TMEM260: variants seen among roughly 807,000 people sequenced by gnomAD.
TMEM260 encodes the protein transmembrane protein 260, also known as protein O-mannosyl-transferase TMEM260.
A neutral mutation model predicts 88.9 loss-of-function variants in TMEM260; 82 were observed. The observed-to-expected ratio is 0.92, with a 90% CI of 0.77 to 1.11. The LOEUF (loss-of-function observed/expected upper bound fraction) is 1.11, where lower values mean the gene tolerates loss of function less well. TMEM260 is among the 50% of genes least tolerant of loss of function. The pLI, the probability that TMEM260 is intolerant of heterozygous loss-of-function variation, is 0.00. For synonymous variants in TMEM260, 314 were observed against 309.3 expected (o/e 1.02, Z -0.16); for missense variants, 902 against 853.4 (o/e 1.06, Z -0.71).
Position 56,647,305 on chromosome 14 carries a change from C to T in TMEM260, c.1932C>T (p.Ala644=). ...EHPVNWHKNY[A]IACERMLRLQ... ...CAGTGAATTGGCACAAGAACTATGCCATCGCCTGTGAGCGGATGCTGCGTC... is the reference window on the plus strand; with the variant it reads ...CAGTGAATTGGCACAAGAACTATGCTATCGCCTGTGAGCGGATGCTGCGTC... The change falls in exon 16 of 16, where the codon GCC becomes GCT. Residue 644 remains alanine (A), a synonymous_variant. Transcript: ENST00000261556. The T allele has an allele frequency of 6.2e-7, 1 of 1,614,146 alleles. No homozygotes were observed. Among genetic ancestry groups the T allele is most frequent in the Non-Finnish European group, 8.5e-7 (1 of 1,180,026 alleles).
chr14:56,618,460 A>G (rs1231646921), intron 9 of TMEM260, 134 bp from the exon 10 acceptor site: 8 of 778,912 alleles, frequency 1.0e-5, no homozygotes, highest in Non-Finnish European at 1.7e-5. Context: ...GATTGGGGAA[A>G]TCAGTTAACA....
chr14:56,658,973 G>A, the TMEM260 span, among the ~76,000 whole-genome samples: 3 of 151,546 alleles, frequency 2.0e-5, no homozygotes, highest in East Asian at 3.9e-4. Context: ...CAGTTGATCC[G>A]CCCACCTCAG....
At chr14:56,617,435 G>A in intron 9 of TMEM260, 138 bp downstream of exon 9, 2 of 580,422 alleles carry the variant, frequency 3.4e-6, no homozygotes, top group Admixed American at 3.5e-5. Flanking sequence ...AATCAAAGTT[G>A]AATTATTGAG....
At chr14:56,641,634 CATA>C (rs1390728954) in intron 15 of TMEM260, among the ~76,000 whole-genome samples, 1 of 152,216 alleles carries the variant, frequency 6.6e-6, no homozygotes, top group East Asian at 1.9e-4. Flanking sequence ...CAGCTAATAT[CATA>C]ATGACAGGAT....
At chr14:56,607,385 C>T (rs1488959516) in intron 5 of TMEM260, among the ~76,000 whole-genome samples, 1 of 152,128 alleles carries the variant, frequency 6.6e-6, no homozygotes, top group Non-Finnish European at 1.5e-5. Flanking sequence ...GGCCTGTTTT[C>T]CCTGTACTGA....
At chr14:56,635,004 A>G in intron 14 of TMEM260, 52 bp downstream of exon 14, 2 of 1,519,204 alleles carry the variant, frequency 1.3e-6, no homozygotes, top group Non-Finnish European at 1.8e-6. Flanking sequence ...ATGGCAGGGA[A>G]GTAGCTTATG....
downstream of TMEM260, among the ~76,000 whole-genome samples, chr14:56,652,995 T>C (rs1890232227): frequency 1.3e-5 from 2 of 152,044 alleles, no homozygotes; most frequent in African/African-American, 4.8e-5. Flanking sequence ...TGAAATAGAA[T>C]TAAAAACACC....
chr14:56,638,429 T>G (rs1889293186), intron 15 of TMEM260: 1 of 152,218 alleles, frequency 6.6e-6, no homozygotes, highest in South Asian at 2.1e-4. Flanking sequence ...AGTATTTAGT[T>G]GGGAGAAAAC....
At chr14:56,641,800 A>C (rs1038913787) in intron 15 of TMEM260, among the ~76,000 whole-genome samples, 3 of 152,360 alleles carry the variant, frequency 2.0e-5, no homozygotes, top group East Asian at 1.9e-4. Context: ...ACATAGGCTC[A>C]AAATAAAGGG....
At chr14:56,628,123 A>G (rs146302144) in intron 12 of TMEM260, among the ~76,000 whole-genome samples, 2 of 152,236 alleles carry the variant, frequency 1.3e-5, no homozygotes, top group African/African-American at 4.8e-5. Flanking sequence ...CATTGTATGG[A>G]TGTACTGTAG....
the TMEM260 span, among the ~76,000 whole-genome samples, chr14:56,659,961 T>C: frequency 2.0e-5 from 3 of 152,024 alleles, no homozygotes; most frequent in Non-Finnish European, 4.4e-5. Context: ...ATCTATGTAC[T>C]TAAAAAAAAA....
At chr14:56,600,442 A>G (rs1356022794) in intron 3 of TMEM260, among the ~76,000 whole-genome samples, 1 of 152,196 alleles carries the variant, frequency 6.6e-6, no homozygotes, top group Non-Finnish European at 1.5e-5. Flanking sequence ...GAAAAGAAAC[A>G]TAGTAAAATG....
chr14:56,626,820 T>A (rs573728032), intron 12 of TMEM260, among the ~76,000 whole-genome samples: 1 of 152,308 alleles, frequency 6.6e-6, no homozygotes, highest in Admixed American at 6.5e-5. Context: ...CGGAAAAGTG[T>A]GAAGACGATC....
intron 15 of TMEM260, among the ~76,000 whole-genome samples, chr14:56,639,101 G>A (rs776160299): frequency 6.6e-6 from 1 of 152,122 alleles, no homozygotes; most frequent in Non-Finnish European, 1.5e-5. Flanking sequence ...GAGCAGTTGG[G>A]GAAATGCTCC....
At chr14:56,628,561 C>T (rs900345233) in intron 12 of TMEM260, among the ~76,000 whole-genome samples, 1 of 151,980 alleles carries the variant, frequency 6.6e-6, no homozygotes, top group Non-Finnish European at 1.5e-5. Context: ...TGTCCTTATA[C>T]TCTTTGCTAC....
At chr14:56,656,953 G>A in the TMEM260 span, among the ~76,000 whole-genome samples, 17 of 152,168 alleles carry the variant, frequency 1.1e-4, no homozygotes, top group East Asian at 1.4e-3. Flanking sequence ...TACCATGACC[G>A]TCCTTCCCTC....
the TMEM260 span, among the ~76,000 whole-genome samples, chr14:56,656,567 A>C: frequency 1.3e-5 from 2 of 152,196 alleles, no homozygotes; most frequent in Non-Finnish European, 2.9e-5. Context: ...ATATAGACCA[A>C]CTGCAAGTCA....
At chr14:56,650,657 C>T (rs1043971265), downstream of TMEM260, 1 of 152,070 alleles carries the variant, frequency 6.6e-6, no homozygotes, top group Non-Finnish European at 1.5e-5. Context: ...TAATGTTTAG[C>T]CTTTATGATA....
intron 6 of TMEM260, among the ~76,000 whole-genome samples, chr14:56,611,215 C>T (rs1398641349): frequency 6.6e-6 from 1 of 152,092 alleles, no homozygotes; most frequent in African/African-American, 2.4e-5. Flanking sequence ...ATCCGCCCAC[C>T]TCGGCCTCCC....
Sources: allele counts gnomAD v4.1 joint callset (sites outside exome capture counted in the v4.1 genomes callset), GRCh38; gene constraint gnomAD v4.1.1; transcripts MANE v1.5; gene names NCBI Gene and HGNC (gene_info 2026-07-23, HGNC 2026-07-21).